Variants in MRTFB observed in about 807,000 individuals in gnomAD.
The protein encoded by MRTFB is myocardin-related transcription factor B.
A neutral mutation model predicts 104.2 loss-of-function variants in MRTFB; 29 were observed. The observed-to-expected ratio is 0.28, with a 90% CI of 0.21 to 0.38. The LOEUF is 0.38. MRTFB is among the 10% of genes least tolerant of loss of function. MRTFB has a pLI of 1.00. For missense variants in MRTFB, 1,270 were observed against 1,341.6 expected (o/e 0.95, Z 0.83); for synonymous variants, 535 against 519.5 (o/e 1.03, Z -0.41).
At chr16:13,997,434 A>G in the MRTFB span, among the ~76,000 whole-genome samples, 1 of 152,204 alleles carries the variant, frequency 6.6e-6, no homozygotes, top group African/African-American at 2.4e-5. Flanking sequence ...TTTTGTAGGC[A>G]CCAAGTAAAA....
intron 3 of MRTFB, among the ~76,000 whole-genome samples, chr16:14,189,507 G>T (rs965721972): frequency 8.5e-5 from 13 of 152,080 alleles, no homozygotes; most frequent in Admixed American, 3.3e-4. Context: ...GTGCTGTTTT[G>T]TCAAAAGAGA....
chr16:14,002,751 A>G, the MRTFB span, among the ~76,000 whole-genome samples: 5 of 152,330 alleles, frequency 3.3e-5, no homozygotes, highest in East Asian at 5.8e-4. Context: ...AAAAATAATT[A>G]TGGTAATTAC....
the MRTFB span, among the ~76,000 whole-genome samples, chr16:14,022,139 A>G: frequency 6.6e-6 from 1 of 152,134 alleles, no homozygotes; most frequent in South Asian, 2.1e-4. Context: ...CACCTGCAAA[A>G]TCTCTTTTGC....
rs1052056188 is a variant in MRTFB at position 14,246,968 on chromosome 16, A to G, written c.1708A>G (p.Lys570Glu). 1.9e-6 allele frequency: 3 copies of G among 1,614,172 alleles called. No homozygotes were observed. Among genetic ancestry groups the G allele is most frequent in the Non-Finnish European group, 2.5e-6 (3 of 1,180,044 alleles). The stretch of plus-strand genomic sequence containing the variant: ...AAACCTGGAACTGGATGCAGCCGAA[A>G]AGGATCGCAAGCTTCAGGAGAAAGA... ...LSNLELDAAE[K>E]DRKLQEKEKQ... Residue 570 changes from lysine to glutamate, a missense_variant, in exon 12 of 17, where the codon AAG becomes GAG. By Grantham distance (56) the Lys-to-Glu change is moderately conservative. Transcript: ENST00000571589.
At chr16:14,001,060 G>A in the MRTFB span, among the ~76,000 whole-genome samples, 3 of 152,236 alleles carry the variant, frequency 2.0e-5, no homozygotes, top group Admixed American at 1.3e-4. Context: ...TGGGTATAGC[G>A]ACTACGTCCC....
At chr16:14,238,888 G>C (rs917479845) in intron 9 of MRTFB, among the ~76,000 whole-genome samples, 2 of 152,162 alleles carry the variant, frequency 1.3e-5, no homozygotes, top group Non-Finnish European at 2.9e-5. Context: ...ATTATATTAT[G>C]TCCAGTAGTA....
chr16:14,032,341 G>A, the MRTFB span, among the ~76,000 whole-genome samples: 230 of 152,284 alleles, frequency 1.5e-3, 1 homozygote, highest in Middle Eastern at 0.024. Flanking sequence ...TTTGGAGAGC[G>A]TCTGGGTTGG....
chr16:14,139,809 T>G (rs2037903676), intron 2 of MRTFB, among the ~76,000 whole-genome samples: 3 of 152,172 alleles, frequency 2.0e-5, no homozygotes, highest in African/African-American at 7.2e-5. Context: ...ACAAAGAATT[T>G]TATCGAATGT....
chr16:14,058,070 C>T, the MRTFB span, among the ~76,000 whole-genome samples: 7 of 152,030 alleles, frequency 4.6e-5, no homozygotes, highest in Non-Finnish European at 8.8e-5. Flanking sequence ...ACGGAGAGCC[C>T]GTATTTTCTT....
chr16:14,121,794 C>A (rs968450216), intron 2 of MRTFB, among the ~76,000 whole-genome samples: 1 of 152,158 alleles, frequency 6.6e-6, no homozygotes, highest in Admixed American at 6.5e-5. Flanking sequence ...TGGAAATGTT[C>A]TATTTTGTAC....
chr16:14,046,820 C>T, the MRTFB span, among the ~76,000 whole-genome samples: 1 of 152,220 alleles, frequency 6.6e-6, no homozygotes, highest in Non-Finnish European at 1.5e-5. Context: ...AAATTAATTA[C>T]TTCATTAAGT....
chr16:14,230,377 T>C (rs1030415436), intron 8 of MRTFB, among the ~76,000 whole-genome samples: 1 of 152,156 alleles, frequency 6.6e-6, no homozygotes, highest in African/African-American at 2.4e-5. Context: ...TTTCGCAACC[T>C]ACTCATCTGA....
At chr16:14,083,874 A>C (rs1462466270) in intron 2 of MRTFB, among the ~76,000 whole-genome samples, 1 of 152,172 alleles carries the variant, frequency 6.6e-6, no homozygotes, top group Non-Finnish European at 1.5e-5. Flanking sequence ...TAACCTGTTA[A>C]TCTTTTTAAT....
In MRTFB at chr16:14,266,159, A is replaced by T. The variant is rs1357591221; in HGVS notation, c.*4715A>T. 1 of 152,238 alleles carries T rather than the reference A, an allele frequency of 6.6e-6. No homozygotes were observed. The highest frequency in any genetic ancestry group is 1.5e-5 in the Non-Finnish European group (1 of 68,030). The allele number at this position is 152,238 out of a possible 1,614,324, so 9.4% of individuals were successfully genotyped here. ...AATTTGAGACTAATGAGATCTCAAA[A>T]ATCAGCCCCAAAAAGGTATTATCCA... On this transcript the variant is annotated 3_prime_UTR_variant, in exon 17 of 17. Transcript: ENST00000571589.
At chr16:14,092,699 G>A (rs1328591351) in intron 2 of MRTFB, 1 of 152,160 alleles carries the variant, frequency 6.6e-6, no homozygotes, top group African/African-American at 2.4e-5. Flanking sequence ...CTCATGGGAT[G>A]AAACTTTGGA....
At chr16:14,075,536 A>G (rs1410593184) in intron 1 of MRTFB, among the ~76,000 whole-genome samples, 1 of 152,234 alleles carries the variant, frequency 6.6e-6, no homozygotes, top group Admixed American at 6.5e-5. Context: ...CTCCTCCTCC[A>G]GGGTCTCTCT....
At chr16:14,077,611 G>C (rs971666058) in intron 1 of MRTFB, among the ~76,000 whole-genome samples, 4 of 149,280 alleles carry the variant, frequency 2.7e-5, no homozygotes, top group African/African-American at 9.8e-5. Flanking sequence ...AAAGAATCAA[G>C]ATCATGTTAA....
chr16:14,140,842 A>G (rs2037962617), intron 3 of MRTFB, 82 bp downstream of exon 3: 1 of 1,566,320 alleles, frequency 6.4e-7, no homozygotes, highest in South Asian at 1.2e-5. Context: ...TTTGGTAGTA[A>G]TATTTTGGTC....
At chr16:14,249,986 G>C (rs2043190065) in intron 13 of MRTFB, among the ~76,000 whole-genome samples, 1 of 152,162 alleles carries the variant, frequency 6.6e-6, no homozygotes, top group Non-Finnish European at 1.5e-5. Flanking sequence ...ATGTTACTGA[G>C]TTTGGGGAAA....
Sources: gnomAD v4.1 joint callset for allele counts (sites outside exome capture counted in the v4.1 genomes callset) on GRCh38, gnomAD v4.1.1 for gene constraint, MANE v1.5 for transcripts, NCBI Gene and HGNC (gene_info 2026-07-23, HGNC 2026-07-21) for gene names.